Variants in CHAF1B observed in about 807,000 individuals in gnomAD.
CHAF1B encodes the protein chromatin assembly factor 1 subunit B, also known as CAF-1 subunit B.
CHAF1B carries 10 observed loss-of-function variants against 60.7 expected under a neutral mutation model. The observed-to-expected ratio is 0.16, with a 90% CI of 0.10 to 0.28. The LOEUF is 0.28. CHAF1B is among the 10% of genes least tolerant of loss of function. The probability of loss-of-function intolerance (pLI) is 1.00; values close to 1 mark genes in which losing one functional copy is unlikely to be tolerated. For synonymous variants in CHAF1B, 261 were observed against 266.1 expected (o/e 0.98, Z 0.19); for missense variants, 558 against 708.4 (o/e 0.79, Z 2.41).
intron 13 of CHAF1B, chr21:36,415,847 C>T (rs1327499264): frequency 2.8e-6 from 1 of 360,826 alleles, no homozygotes; most frequent in South Asian, 2.1e-5. Context: ...CCACCTCCCA[C>T]GTTCAAGCAA....
chr21:36,386,247 G>C lies in CHAF1B; in HGVS notation c.111G>C (p.Val37=). The stretch of plus-strand genomic sequence containing the variant: ...TCCACAGACTGGCGTCTGCCGGCGT[G>C]GACACCAATGTCAGGGTAAACTGGG... The part of the protein sequence containing the change: ...GRIHRLASAG[V]DTNVRIWKVE... Residue 37 remains valine, a synonymous_variant, in exon 2 of 14, where the codon GTG becomes GTC. Transcript: ENST00000314103. 6.2e-7 allele frequency: 1 copy of C among 1,614,108 alleles called. No individual in the cohort carries two copies. The highest frequency in any genetic ancestry group is 8.5e-7 in the Non-Finnish European group (1 of 1,179,986).
rs1248093804 is a variant in CHAF1B at position 36,397,425 on chromosome 21, A to C, written c.492A>C (p.Ile164=). The C allele has an allele frequency of 3.2e-6, 5 of 1,543,086 alleles. No homozygotes were observed. The highest frequency in any genetic ancestry group is 4.4e-6 in the Non-Finnish European group (5 of 1,133,274). The change falls in exon 6 of 14, where the codon ATA becomes ATC. Residue 164 remains isoleucine (I), a synonymous_variant. Coordinates refer to ENST00000314103, the MANE Select transcript of CHAF1B (RefSeq NM_005441.3). ...IIWDVSKGQK[I]SIFNEHKSYV... is the part of the protein sequence containing the mutation. ...GTGTTTTTTTTGTAGGACAAAAGAT[A>C]TCAATTTTTAATGAACATAAAAGTT...
chr21:36,402,974 C>T (rs2086204259), intron 8 of CHAF1B, 123 bp downstream of exon 8: 2 of 738,614 alleles, frequency 2.7e-6, no homozygotes, highest in Non-Finnish European at 4.7e-6. Flanking sequence ...GACTTACCTG[C>T]CCATTGGAAC....
chr21:36,387,545 G>A (rs906882519), intron 2 of CHAF1B, 53 bp from the exon 3 acceptor site: 2 of 1,607,526 alleles, frequency 1.2e-6, no homozygotes, highest in Admixed American at 3.3e-5. Context: ...AATACAGACA[G>A]TATAATATGT....
intron 8 of CHAF1B, among the ~76,000 whole-genome samples, chr21:36,405,913 C>T (rs1157875926): frequency 6.6e-6 from 1 of 151,572 alleles, no homozygotes; most frequent in African/African-American, 2.4e-5. Flanking sequence ...GAAATCTCAG[C>T]TTTGTTTAGT....
chr21:36,414,193 T>C lies in CHAF1B; in HGVS notation c.1493+878T>C, dbSNP rs549518676. Among the ~76,000 whole-genome samples, 14 of 152,308 alleles carry C rather than the reference T, an allele frequency of 9.2e-5. No homozygotes were observed. In the South Asian group the frequency reaches 2.9e-3, roughly 32 times the overall value. ...TGATGTCCAGTTACCCCTCTGATCC[T>C]GTATAGTTCCTTCTCCACCAAGCCC... On this transcript the variant is annotated intron_variant, in intron 12 of 13. Coordinates refer to ENST00000314103, the MANE Select transcript of CHAF1B (RefSeq NM_005441.3).
chr21:36,400,665 T>G lies in CHAF1B; in HGVS notation c.663+1060T>G, dbSNP rs553326432. Among the ~76,000 whole-genome samples the G allele has an allele frequency of 7.9e-4, 120 of 152,062 alleles. 1 individual carries two copies. The highest frequency in any genetic ancestry group is 2.1e-4 in the Non-Finnish European group (14 of 68,030). On this transcript the variant is annotated intron_variant, in intron 7 of 13. Coordinates refer to ENST00000314103, the MANE Select transcript of CHAF1B (RefSeq NM_005441.3). ...GAAGACAGGCAGGTCGAGCGTTGGA[T>G]CTGTCTGGCAGCAGGCAGTTTACTA...
At chr21:36,403,557 G>A (rs1206045299) in intron 8 of CHAF1B, among the ~76,000 whole-genome samples, 2 of 150,232 alleles carry the variant, frequency 1.3e-5, no homozygotes, top group East Asian at 3.9e-4. Flanking sequence ...TAGCGCTAAA[G>A]CCAAAGATAA....
At chr21:36,394,209 T>C (rs1181401714) in intron 4 of CHAF1B, among the ~76,000 whole-genome samples, 1 of 151,954 alleles carries the variant, frequency 6.6e-6, no homozygotes, top group Non-Finnish European at 1.5e-5. Context: ...CCTGAGTAGC[T>C]GGGTCTGCAG....
chr21:36,403,442 G>GCA (rs1343045991), intron 8 of CHAF1B, among the ~76,000 whole-genome samples: 7 of 118,228 alleles, frequency 5.9e-5, no homozygotes, highest in Middle Eastern at 7.1e-3. Flanking sequence ...GGGCGACAGA[G>GCA]TGATATCTTA....
At chr21:36,403,525 AT>A (rs2086210276) in intron 8 of CHAF1B, among the ~76,000 whole-genome samples, 1 of 151,230 alleles carries the variant, frequency 6.6e-6, no homozygotes, top group Non-Finnish European at 1.5e-5. Flanking sequence ...TTTTTCATTC[AT>A]TAACATGTGT....
intron 3 of CHAF1B, among the ~76,000 whole-genome samples, chr21:36,389,800 T>TGTGTGTGTGTGTGTGA: frequency 8.0e-6 from 1 of 124,800 alleles, no homozygotes; most frequent in African/African-American, 3.5e-5. Flanking sequence ...TGTGTGTGTG[T>TGTGTGTGTGTGTGTGA]GCGCGCGCAC....
intron 4 of CHAF1B, among the ~76,000 whole-genome samples, chr21:36,392,642 C>A (rs938042781): frequency 1.3e-5 from 2 of 151,994 alleles, no homozygotes. Flanking sequence ...GGGCTCCTCT[C>A]TTCCCAGACG....
At chr21:36,391,780 C>A in intron 4 of CHAF1B, 112 bp downstream of exon 4, 1 of 688,894 alleles carries the variant, frequency 1.5e-6, no homozygotes, top group Non-Finnish European at 2.5e-6. Context: ...TCATTGTCGC[C>A]CAGGCTGGAG....
chr21:36,411,990 A>G (rs1480335247), intron 11 of CHAF1B, among the ~76,000 whole-genome samples: 2 of 152,182 alleles, frequency 1.3e-5, no homozygotes, highest in Admixed American at 1.3e-4. Context: ...AGCCTCCCAA[A>G]GTGCTGGGAT....
chr21:36,388,623 C>T (rs1262089643), intron 3 of CHAF1B, among the ~76,000 whole-genome samples: 3 of 151,904 alleles, frequency 2.0e-5, no homozygotes, highest in Admixed American at 1.3e-4. Flanking sequence ...CCTGCCACCA[C>T]CCCCGGCTAA....
intron 3 of CHAF1B, 54 bp from the exon 4 acceptor site, chr21:36,391,497 A>T: frequency 9.4e-7 from 1 of 1,058,354 alleles, no homozygotes; most frequent in Non-Finnish European, 1.4e-6. Flanking sequence ...TAAAAATCCT[A>T]ATATGAAGGA....
intron 3 of CHAF1B, among the ~76,000 whole-genome samples, chr21:36,389,798 T>TGCGCGCGCGCGCGCGCGCGCACGC (rs1389760338): frequency 1.0e-5 from 1 of 97,560 alleles, no homozygotes; most frequent in African/African-American, 5.5e-5. Context: ...TGTGTGTGTG[T>TGCGCGCGCGCGCGCGCGCGCACGC]GTGCGCGCGC....
At chr21:36,391,512 G>A in intron 3 of CHAF1B, 39 bp from the exon 4 acceptor site, 1 of 1,182,556 alleles carries the variant, frequency 8.5e-7, no homozygotes, top group Non-Finnish European at 1.3e-6. Context: ...GAAGGAGTGT[G>A]GGTGAAGCGT....
Sources: allele counts gnomAD v4.1 joint callset (sites outside exome capture counted in the v4.1 genomes callset), GRCh38; gene constraint gnomAD v4.1.1; transcripts MANE v1.5; gene names NCBI Gene and HGNC (gene_info 2026-07-23, HGNC 2026-07-21).